The following KANSL1 variants were observed in gnomAD, a reference collection of about 807,000 sequenced individuals.
KANSL1 encodes KAT8 regulatory NSL complex subunit 1, also known as MLL1/MLL complex subunit KANSL1.
KANSL1 carries 22 observed loss-of-function variants against 103.6 expected under a neutral mutation model. The ratio of observed to expected loss-of-function variants is 0.21; its 90% confidence interval spans 0.15 to 0.30. The LOEUF (loss-of-function observed/expected upper bound fraction) is 0.30, where lower values mean the gene tolerates loss of function less well. KANSL1 is among the 10% of genes least tolerant of loss of function. The pLI is 1.00. For synonymous variants in KANSL1, 600 were observed against 527.6 expected (o/e 1.14, Z -1.88); for missense variants, 1,337 against 1,399.8 (o/e 0.96, Z 0.72).
At position 46,039,093 on chromosome 17, in the gene KANSL1, G is replaced by C. The variant is rs1452643092; in HGVS notation, c.2326C>G (p.Pro776Ala). Residue 776 changes from proline to alanine, a missense_variant, in exon 9 of 15, where the codon CCA becomes GCA. By Grantham distance (27) the Pro-to-Ala change is conservative (BLOSUM62 -1). This residue lies in a region of KANSL1 where 780 missense variants were observed against 923.4 expected (regional missense o/e 0.84). Coordinates refer to ENST00000432791, the MANE Select transcript of KANSL1 (RefSeq NM_015443.4). Reference protein sequence around the residue: ...PKAERLLNPPPPVHDPNHSKM... With the variant: ...PKAERLLNPPAPVHDPNHSKM... The stretch of plus-strand genomic sequence containing the variant: ...CTGTGGTTTGGGTCATGCACGGGTG[G>C]TGGTGGGTTGAGCAAGCGCTCTGCT... 4 of 1,612,212 alleles carry C rather than the reference G, an allele frequency of 2.5e-6. No homozygotes were observed. The South Asian group carries it at 4.4e-5, about 18-fold the overall frequency.
At chr17:46,040,082 ACTTT>A in intron 7 of KANSL1, 198 bp from the exon 8 acceptor site, 1 of 475,936 alleles carries the variant, frequency 2.1e-6, no homozygotes, top group Non-Finnish European at 3.7e-6. Context: ...TTAGCTTTTT[ACTTT>A]CAAGTCCCAA....
chr17:46,200,574 C>A (rs1484910025), intron 1 of KANSL1, among the ~76,000 whole-genome samples: 1 of 152,068 alleles, frequency 6.6e-6, no homozygotes, highest in Admixed American at 6.5e-5. Context: ...AACTCCGTCT[C>A]TACTAAAAAT....
At chr17:46,130,670 G>C (rs576510440) in intron 2 of KANSL1, among the ~76,000 whole-genome samples, 2 of 152,140 alleles carry the variant, frequency 1.3e-5, no homozygotes, top group African/African-American at 2.4e-5. Flanking sequence ...AGTTCAAGAC[G>C]GCTTCTCCCT....
chr17:46,123,503 A>G (rs1342980559), intron 2 of KANSL1, among the ~76,000 whole-genome samples: 1 of 152,356 alleles, frequency 6.6e-6, no homozygotes, highest in South Asian at 2.1e-4. Flanking sequence ...TGTAAATGCA[A>G]AAGTTCTTGG....
intron 1 of KANSL1, among the ~76,000 whole-genome samples, chr17:46,200,066 C>CA (rs201474670): frequency 0.028 from 4,236 of 150,672 alleles, 207 homozygotes; most frequent in African/African-American, 0.098. Flanking sequence ...CACACACACA[C>CA]CCTGATTATT....
At chr17:46,219,662 G>A (rs2048458386) in intron 1 of KANSL1, among the ~76,000 whole-genome samples, 1 of 152,250 alleles carries the variant, frequency 6.6e-6, no homozygotes. Context: ...CATCGCGTCT[G>A]GCCAAGTTAA....
intron 3 of KANSL1, among the ~76,000 whole-genome samples, chr17:46,091,942 G>A (rs1324461822): frequency 2.0e-5 from 3 of 150,426 alleles, no homozygotes; most frequent in East Asian, 1.9e-4. Context: ...TCAGCCTCCC[G>A]AGTAGCTGGG....
At chr17:46,185,692 TACACACACACACACACACACACACAC>T (rs58833932) in intron 1 of KANSL1, among the ~76,000 whole-genome samples, 4 of 144,312 alleles carry the variant, frequency 2.8e-5, no homozygotes, top group African/African-American at 1.1e-4. Context: ...CACACATATA[TACACACACACACACACACACACACAC>T]ACACACACAC....
intron 2 of KANSL1, among the ~76,000 whole-genome samples, chr17:46,105,241 C>T (rs552925196): frequency 6.6e-6 from 1 of 152,362 alleles, no homozygotes; most frequent in East Asian, 1.9e-4. Context: ...AATTAATTTT[C>T]TGTCTACTTT....
intron 4 of KANSL1, among the ~76,000 whole-genome samples, chr17:46,074,791 A>G (rs911084506): frequency 6.6e-6 from 1 of 151,192 alleles, no homozygotes; most frequent in Non-Finnish European, 1.5e-5. Context: ...AAATAAATAA[A>G]TAAATAAATA....
intron 1 of KANSL1, among the ~76,000 whole-genome samples, chr17:46,212,844 C>G (rs1008609041): frequency 6.6e-6 from 1 of 152,174 alleles, no homozygotes; most frequent in East Asian, 1.9e-4. Flanking sequence ...TCACCACCTT[C>G]GACAGCACAG....
intron 14 of KANSL1, 63 bp from the exon 15 acceptor site, chr17:46,031,766 G>T (rs2077015445): frequency 7.0e-7 from 1 of 1,432,514 alleles, no homozygotes; most frequent in African/African-American, 1.4e-5. Flanking sequence ...CTGCTCCAAG[G>T]CCCTGCCACA....
chr17:46,078,554 T>C (rs1235418884), intron 4 of KANSL1, among the ~76,000 whole-genome samples: 1 of 147,524 alleles, frequency 6.8e-6, no homozygotes, highest in Admixed American at 6.8e-5. Flanking sequence ...CATCCTCTGA[T>C]AATATACAAA....
At chr17:46,218,719 G>A (rs927304808) in intron 1 of KANSL1, among the ~76,000 whole-genome samples, 5 of 151,820 alleles carry the variant, frequency 3.3e-5, no homozygotes, top group African/African-American at 1.2e-4. Context: ...GGAGACACAG[G>A]TTGCAGTGAG....
chr17:46,092,281 T>C (rs2079426817), intron 3 of KANSL1, among the ~76,000 whole-genome samples: 1 of 152,262 alleles, frequency 6.6e-6, no homozygotes, highest in South Asian at 2.1e-4. Flanking sequence ...GAAATACTTT[T>C]CAGATATTTT....
intron 6 of KANSL1, among the ~76,000 whole-genome samples, chr17:46,052,794 T>TAAAAA (rs35162336): frequency 5.9e-4 from 70 of 118,292 alleles, no homozygotes; most frequent in East Asian, 1.3e-3. Flanking sequence ...AATTTAAAAT[T>TAAAAA]AAAAAAAAAA....
chr17:46,062,099 A>C (rs1383666211), intron 6 of KANSL1, among the ~76,000 whole-genome samples: 1 of 67,276 alleles, frequency 1.5e-5, no homozygotes, highest in Non-Finnish European at 2.8e-5. Context: ...CTCAAAAAAA[A>C]AAAAAAAAAA....
chr17:46,046,413 T>C (rs947805787), intron 7 of KANSL1, among the ~76,000 whole-genome samples: 5 of 150,514 alleles, frequency 3.3e-5, no homozygotes, highest in African/African-American at 9.8e-5. Flanking sequence ...TGTGCACCTG[T>C]AGTCCCAGCT....
At chr17:46,190,241 C>G (rs960248443) in intron 1 of KANSL1, among the ~76,000 whole-genome samples, 8 of 152,178 alleles carry the variant, frequency 5.3e-5, no homozygotes, top group Non-Finnish European at 8.8e-5. Flanking sequence ...TTTCTTCTCA[C>G]CTTGATATGA....
Sources: gnomAD v4.1 joint callset for allele counts (sites outside exome capture counted in the v4.1 genomes callset) on GRCh38, gnomAD v4.1.1 for gene constraint, gnomAD v4.1.1 regional missense constraint, MANE v1.5 for transcripts, NCBI Gene and HGNC (gene_info 2026-07-23, HGNC 2026-07-21) for gene names.